Variants in CHRNA7 observed in about 807,000 individuals in gnomAD.
CHRNA7 encodes neuronal acetylcholine receptor subunit alpha-7.
CHRNA7 carries 17 observed loss-of-function variants against 48.0 expected under a neutral mutation model. The observed-to-expected ratio is 0.35, with a 90% confidence interval of 0.24 to 0.53. The LOEUF (loss-of-function observed/expected upper bound fraction) is 0.53. Among genes scored for constraint, CHRNA7 ranks in the 20% least tolerant of loss-of-function variants. CHRNA7 has a pLI of 0.92. For missense variants in CHRNA7, 155 were observed against 577.7 expected (o/e 0.27, Z 7.50); for synonymous variants, 75 against 242.3 (o/e 0.31, Z 6.41).
chr15:32,048,657 GTC>G (rs2049602754), intron 2 of CHRNA7, among the ~76,000 whole-genome samples: 1 of 151,572 alleles, frequency 6.6e-6, no homozygotes. Context: ...GGTTTTTTGT[GTC>G]TCTATTTCCT....
intron 4 of CHRNA7, among the ~76,000 whole-genome samples, chr15:32,150,852 A>G (rs950746527): frequency 1.3e-5 from 2 of 152,120 alleles, no homozygotes; most frequent in African/African-American, 2.4e-5. Flanking sequence ...AATGTGACTC[A>G]TTAACAGTCA....
At chr15:32,094,029 T>C (rs74011114) in intron 2 of CHRNA7, among the ~76,000 whole-genome samples, 2,404 of 152,302 alleles carry the variant, frequency 0.016, 83 homozygotes, top group African/African-American at 0.055. Flanking sequence ...TCTCAGGATC[T>C]TCGGGGTGCT....
chr15:32,064,086 T>G (rs151136653), intron 2 of CHRNA7, among the ~76,000 whole-genome samples: 2 of 152,332 alleles, frequency 1.3e-5, no homozygotes, highest in Non-Finnish European at 2.9e-5. Flanking sequence ...TTTCTTTTCT[T>G]ATTCCAATGT....
chr15:32,095,478 A>G (rs1312072399), intron 2 of CHRNA7, among the ~76,000 whole-genome samples: 5 of 152,228 alleles, frequency 3.3e-5, no homozygotes, highest in Non-Finnish European at 7.3e-5. Context: ...ATAGCATTTT[A>G]TGGAAAATAA....
At chr15:32,156,918 G>GCAT (rs918416222) in intron 5 of CHRNA7, 1 of 44,384 alleles carries the variant, frequency 2.3e-5, no homozygotes, top group African/African-American at 9.2e-5. Flanking sequence ...CTACAGGCAT[G>GCAT]CATCACCTCA....
rs186981849 is a variant in CHRNA7 at position 32,065,692 on chromosome 15, G to A, written c.195+34655G>A. Among the ~76,000 whole-genome samples, 17 of 152,406 alleles carry A rather than the reference G, an allele frequency of 1.1e-4. No individual in the cohort carries two copies. The East Asian group carries it at 3.3e-3, about 29-fold the overall frequency. On this transcript the variant is annotated intron_variant, in intron 2 of 9. Transcript: ENST00000306901. Reference sequence around the variant, plus strand: ...AGACTGTGCACAGGCAGGAAGTGAAGGCTAAAGCAGGGCTGTCAGCTGCCT... The same window carrying A: ...AGACTGTGCACAGGCAGGAAGTGAAAGCTAAAGCAGGGCTGTCAGCTGCCT...
rs1313266369 is a variant in CHRNA7, at chr15:32,149,246, G to A, written c.351-4661G>A. Among the ~76,000 whole-genome samples, 1 of 152,250 alleles carries A rather than the reference G, an allele frequency of 6.6e-6. No individual in the cohort carries two copies. The highest frequency in any genetic ancestry group is 1.5e-5 in the Non-Finnish European group (1 of 68,050). On this transcript the variant is annotated intron_variant, in intron 4 of 9. Transcript: ENST00000306901. The surrounding 1 kb of genome is among the most constrained non-coding windows in gnomAD (Gnocchi z 4.6). ...AACAGTTTACACACAGAAGAGGAGT[G>A]AGGAGGAGAATGAATCCCTGCAGCC...
At chr15:32,087,303 T>C (rs2050313286) in intron 2 of CHRNA7, among the ~76,000 whole-genome samples, 1 of 152,232 alleles carries the variant, frequency 6.6e-6, no homozygotes, top group Non-Finnish European at 1.5e-5. Flanking sequence ...CCCTCTGGCT[T>C]AACAGCACTG....
Position 32,111,906 on chromosome 15 carries a change from A to G in CHRNA7, c.350+7A>G, listed in dbSNP as rs1223346420. 5 of 1,517,352 alleles carry G rather than the reference A, an allele frequency of 3.3e-6. No homozygotes were observed. The highest frequency in any genetic ancestry group is 2.7e-5 in the African/African-American group (2 of 72,912). The allele number at this position is 1,517,352 out of a possible 1,614,324, so 94.0% of individuals were successfully genotyped here. On this transcript the variant is annotated splice_region_variant and intron_variant, in intron 4 of 9. Coordinates refer to ENST00000306901, the MANE Select transcript of CHRNA7 (RefSeq NM_000746.6). ...ACATTCTTCTCTATAACAGGTAAGC[A>G]TATTGAACAAAGGAAAAAAATGATT...
chr15:32,148,664 C>T (rs75664220), intron 4 of CHRNA7, among the ~76,000 whole-genome samples: 46 of 152,368 alleles, frequency 3.0e-4, no homozygotes, highest in African/African-American at 1.1e-3. Context: ...GAAAGCACAG[C>T]TTGTAATCCC....
intron 4 of CHRNA7, among the ~76,000 whole-genome samples, chr15:32,137,684 A>G (rs1159314988): frequency 6.6e-6 from 1 of 152,246 alleles, no homozygotes; most frequent in Non-Finnish European, 1.5e-5. Context: ...AAATAAATAT[A>G]TGGAAAACTG....
At chr15:32,069,095 T>G (rs988196142) in intron 2 of CHRNA7, among the ~76,000 whole-genome samples, 1 of 152,124 alleles carries the variant, frequency 6.6e-6, no homozygotes, top group Non-Finnish European at 1.5e-5. Context: ...ACATTAGACT[T>G]AATAATAGAG....
chr15:32,091,307 A>G (rs933136150), intron 2 of CHRNA7, among the ~76,000 whole-genome samples: 6 of 152,124 alleles, frequency 3.9e-5, no homozygotes, highest in Non-Finnish European at 8.8e-5. Flanking sequence ...TCAGGAGGGT[A>G]TAATCATTGT....
chr15:32,124,537 T>C (rs1370361784), intron 4 of CHRNA7, among the ~76,000 whole-genome samples: 1 of 152,144 alleles, frequency 6.6e-6, no homozygotes, highest in African/African-American at 2.4e-5. Flanking sequence ...TTCCCAAAAG[T>C]AGTAATATTC....
intron 4 of CHRNA7, among the ~76,000 whole-genome samples, chr15:32,136,514 A>G (rs1000028368): frequency 7.5e-5 from 11 of 146,762 alleles, no homozygotes; most frequent in African/African-American, 2.6e-4. Flanking sequence ...AAAAAAAAAA[A>G]GATGGAATTA....
chr15:32,145,669 G>C (rs771289144), intron 4 of CHRNA7, among the ~76,000 whole-genome samples: 1 of 151,964 alleles, frequency 6.6e-6, no homozygotes, highest in Non-Finnish European at 1.5e-5. Flanking sequence ...CTCACAGATC[G>C]ATCACAGACT....
At chr15:32,051,495 C>T (rs370603577) in intron 2 of CHRNA7, among the ~76,000 whole-genome samples, 6 of 152,166 alleles carry the variant, frequency 3.9e-5, no homozygotes, top group Admixed American at 3.3e-4. Context: ...TTCCGAAGCC[C>T]GTCAGAAAAG....
intron 2 of CHRNA7, among the ~76,000 whole-genome samples, chr15:32,035,192 A>T (rs1043251945): frequency 6.6e-6 from 1 of 152,230 alleles, no homozygotes; most frequent in South Asian, 2.1e-4. Context: ...GAGATAATAC[A>T]TAAGAAATCA....
chr15:32,062,328 T>C (rs2049892459), intron 2 of CHRNA7, among the ~76,000 whole-genome samples: 1 of 152,232 alleles, frequency 6.6e-6, no homozygotes, highest in Non-Finnish European at 1.5e-5. Context: ...TAAATTAATA[T>C]ATAATGTTTA....
Sources: gnomAD v4.1 joint callset for allele counts (sites outside exome capture counted in the v4.1 genomes callset) on GRCh38, gnomAD v4.1.1 for gene constraint, Gnocchi (gnomAD v3.1) non-coding constraint, MANE v1.5 for transcripts, NCBI Gene and HGNC (gene_info 2026-07-23, HGNC 2026-07-21) for gene names.